The following RYR2 variants were observed in gnomAD, a reference collection of about 807,000 sequenced individuals.
The protein encoded by RYR2 is cardiac muscle ryanodine receptor-calcium release channel.
Under a neutral mutation model 601.1 loss-of-function variants are expected in RYR2, and 227 were observed. The ratio of observed to expected loss-of-function variants is 0.38; its 90% CI spans 0.34 to 0.42. RYR2 has a LOEUF of 0.42. RYR2 is among the 10% of genes least tolerant of loss of function. The pLI, the probability that RYR2 is intolerant of heterozygous loss-of-function variation, is 1.00. For synonymous variants in RYR2, 2,223 were observed against 2,175.1 expected, an observed-to-expected ratio of 1.02 and a Z score of -0.61; for missense variants, 4,646 against 6,156.5, an observed-to-expected ratio of 0.75 and a Z score of 8.21.
intron 1 of RYR2, among the ~76,000 whole-genome samples, chr1:237,197,593 G>T (rs1445238706): frequency 6.6e-6 from 1 of 152,154 alleles, no homozygotes; most frequent in African/African-American, 2.4e-5. Flanking sequence ...ACTTACGTGG[G>T]TGTGATAATA....
intron 1 of RYR2, among the ~76,000 whole-genome samples, chr1:237,220,348 C>T (rs187949573): frequency 2.6e-4 from 40 of 152,270 alleles, no homozygotes; most frequent in Non-Finnish European, 4.4e-4. Context: ...TTTTGGACTC[C>T]GGGACTTTTA....
intron 1 of RYR2, among the ~76,000 whole-genome samples, chr1:237,181,457 C>G (rs1408283987): frequency 2.0e-5 from 3 of 152,188 alleles, no homozygotes; most frequent in African/African-American, 4.8e-5. Context: ...AAGAGAGGCT[C>G]TTTAACATCC....
At chr1:237,105,623 G>T (rs1174251225) in intron 1 of RYR2, among the ~76,000 whole-genome samples, 1 of 152,122 alleles carries the variant, frequency 6.6e-6, no homozygotes, top group Non-Finnish European at 1.5e-5. Flanking sequence ...CTTGAGGTCA[G>T]GAGATCGAGA....
chr1:237,710,156 T>C (rs559311141), intron 70 of RYR2, among the ~76,000 whole-genome samples: 2 of 152,192 alleles, frequency 1.3e-5, no homozygotes, highest in African/African-American at 4.8e-5. Flanking sequence ...TGGAAAAGAT[T>C]TTAATCATAA....
At chr1:237,484,250 A>G (rs993822151) in intron 17 of RYR2, among the ~76,000 whole-genome samples, 7 of 152,218 alleles carry the variant, frequency 4.6e-5, no homozygotes, top group Non-Finnish European at 1.5e-5. Context: ...TGTATCCTTC[A>G]TGAATAGAGA....
chr1:237,779,900 G>A (rs1450566286), intron 88 of RYR2, among the ~76,000 whole-genome samples: 2 of 152,198 alleles, frequency 1.3e-5, no homozygotes, highest in African/African-American at 2.4e-5. Flanking sequence ...AGTCAGAGGA[G>A]TGAAAAGTTA....
chr1:237,141,998 G>T (rs1456120744), intron 1 of RYR2, among the ~76,000 whole-genome samples: 1 of 152,222 alleles, frequency 6.6e-6, no homozygotes, highest in African/African-American at 2.4e-5. Context: ...TGTGGGATTT[G>T]CAAACAACAG....
intron 24 of RYR2, among the ~76,000 whole-genome samples, chr1:237,519,938 A>G (rs1270196908): frequency 1.3e-5 from 2 of 151,868 alleles, no homozygotes; most frequent in African/African-American, 2.4e-5. Flanking sequence ...GTTTGTTTGC[A>G]TCATCTATAA....
intron 84 of RYR2, among the ~76,000 whole-genome samples, chr1:237,764,881 C>A (rs1693726478): frequency 6.6e-6 from 1 of 152,090 alleles, no homozygotes; most frequent in East Asian, 1.9e-4. Flanking sequence ...ATTGAGATGC[C>A]ATGAGGAACT....
intron 1 of RYR2, among the ~76,000 whole-genome samples, chr1:237,248,372 T>C (rs1054495138): frequency 2.0e-5 from 3 of 149,500 alleles, no homozygotes; most frequent in African/African-American, 7.4e-5. Flanking sequence ...GGGTTGTGCA[T>C]TAGTTGCTAT....
intron 89 of RYR2, among the ~76,000 whole-genome samples, chr1:237,782,571 G>A (rs1300354980): frequency 2.0e-5 from 3 of 152,098 alleles, no homozygotes; most frequent in Non-Finnish European, 2.9e-5. Context: ...CTTAGTCGGT[G>A]GCAACAGTAG....
At chr1:237,632,518 C>A (rs1044192863) in intron 42 of RYR2, among the ~76,000 whole-genome samples, 2 of 151,682 alleles carry the variant, frequency 1.3e-5, no homozygotes, top group African/African-American at 4.8e-5. Context: ...CCTCAGCCTG[C>A]CGAGTGGCTG....
chr1:237,798,217 A>G (rs774968143), intron 97 of RYR2, 47 bp downstream of exon 97: 2 of 1,552,188 alleles, frequency 1.3e-6, no homozygotes, highest in Admixed American at 4.0e-5. Flanking sequence ...TTGAAAGGGG[A>G]AAACATTAAT....
chr1:237,809,718 G>GACT (rs1206100269), intron 100 of RYR2, among the ~76,000 whole-genome samples: 1 of 152,086 alleles, frequency 6.6e-6, no homozygotes, highest in Non-Finnish European at 1.5e-5. Flanking sequence ...TGTAGGTATA[G>GACT]AGGCTGATAT....
rs569134913 is a variant in RYR2 at position 237,337,239 on chromosome 1, G to A, written c.273+6257G>A. On this transcript the variant is annotated intron_variant, in intron 3 of 104. Transcript: ENST00000366574. ...TGCACTCCAGCCTGGGCAACAGAGC[G>A]AGTATCCATCTCAAAAAAAAAAAAA... Among the ~76,000 whole-genome samples the A allele has an allele frequency of 1.5e-3, 212 of 137,512 alleles. 2 individuals are homozygous for A. The highest frequency in any genetic ancestry group is 3.7e-3 in the Admixed American group (49 of 13,370). The allele number at this position is 137,512 out of a possible 152,430, so 90.2% of individuals were successfully genotyped here.
At chr1:237,157,330 GA>G (rs1675505509) in intron 1 of RYR2, among the ~76,000 whole-genome samples, 1 of 130,488 alleles carries the variant, frequency 7.7e-6, no homozygotes, top group African/African-American at 2.8e-5. Context: ...AAGAAAGAAA[GA>G]AAGAAAGAAA....
intron 2 of RYR2, among the ~76,000 whole-genome samples, chr1:237,293,114 C>A (rs1238783792): frequency 7.9e-5 from 12 of 152,134 alleles, no homozygotes; most frequent in Admixed American, 7.9e-4. Flanking sequence ...TGTAATTTAA[C>A]TCAATTTTGA....
intron 17 of RYR2, among the ~76,000 whole-genome samples, chr1:237,471,808 A>G (rs2150315617): frequency 6.6e-6 from 1 of 151,268 alleles, no homozygotes; most frequent in East Asian, 1.9e-4. Context: ...TCCTAATGAA[A>G]AGGGAAGCCC....
At chr1:237,277,670 A>G (rs779851671) in intron 2 of RYR2, among the ~76,000 whole-genome samples, 3 of 152,128 alleles carry the variant, frequency 2.0e-5, no homozygotes, top group Non-Finnish European at 2.9e-5. Context: ...AAATTTAAAA[A>G]TTAGCTGGGT....
Sources: allele counts gnomAD v4.1 joint callset (sites outside exome capture counted in the v4.1 genomes callset), GRCh38; gene constraint gnomAD v4.1.1; transcripts MANE v1.5; gene names NCBI Gene and HGNC (gene_info 2026-07-23, HGNC 2026-07-21).